The following COL10A1 variants were observed in gnomAD, a reference collection of about 807,000 sequenced individuals.
COL10A1 encodes the protein collagen type X alpha 1 chain.
Under a neutral mutation model 18.2 loss-of-function variants are expected in COL10A1, and 10 were observed. The ratio of observed to expected loss-of-function variants is 0.55; its 90% CI spans 0.34 to 0.93. COL10A1 has a LOEUF of 0.93. COL10A1 is among the 40% of genes least tolerant of loss of function. COL10A1 has a pLI of 0.02. For synonymous variants in COL10A1, 330 were observed against 316.6 expected, an observed-to-expected ratio of 1.04 and a Z score of -0.45; for missense variants, 897 against 853.5, an observed-to-expected ratio of 1.05 and a Z score of -0.64.
At chr6:116,147,470 A>T (rs961630162) in intron 1 of COL10A1, among the ~76,000 whole-genome samples, 1 of 152,032 alleles carries the variant, frequency 6.6e-6, no homozygotes, top group Non-Finnish European at 1.5e-5. Context: ...AAAAAGATAA[A>T]TGACAAACTG....
At chr6:116,178,088 T>TGTGTGTGTGC in the COL10A1 span, among the ~76,000 whole-genome samples, 55 of 99,654 alleles carry the variant, frequency 5.5e-4, no homozygotes, top group African/African-American at 2.5e-3. Flanking sequence ...TGTGTGTGTG[T>TGTGTGTGTGC]GCGCGCGCGC....
At chr6:116,142,734 G>A (rs964420467) in intron 1 of COL10A1, among the ~76,000 whole-genome samples, 1 of 152,140 alleles carries the variant, frequency 6.6e-6, no homozygotes, top group Non-Finnish European at 1.5e-5. Flanking sequence ...TTGAAAAATA[G>A]AATTTGGGAC....
upstream of COL10A1, among the ~76,000 whole-genome samples, chr6:116,163,141 A>AAAAAAATATATATATATAT (rs761718922): frequency 2.3e-5 from 2 of 88,408 alleles, no homozygotes; most frequent in African/African-American, 1.2e-4. Context: ...AAAAAAAAAA[A>AAAAAAATATATATATATAT]ATATATATAT....
chr6:116,150,839 A>G (rs921168963), intron 1 of COL10A1, among the ~76,000 whole-genome samples: 1 of 152,194 alleles, frequency 6.6e-6, no homozygotes, highest in Non-Finnish European at 1.5e-5. Context: ...TCAAATGTGA[A>G]TTTGAGAATG....
At position 116,120,743 on chromosome 6, in the gene COL10A1, C is replaced by T; in HGVS notation, c.1373G>A (p.Gly458Asp). ...TTTAGACCCAGGGAATCCTGGAATG[C>T]CTGGTGGCCCAATAGGGCCTCTAGT... is the stretch of plus-strand genomic sequence containing the variant. Reference protein sequence around the residue: ...PGTRGPIGPPGIPGFPGSKGD... With the variant: ...PGTRGPIGPPDIPGFPGSKGD... The change falls in exon 3 of 3, where the codon GGC becomes GAC. Residue 458 changes from glycine (G) to aspartate (D), a missense_variant. By Grantham distance (94) the Gly-to-Asp change is moderately conservative (BLOSUM62 -1). Transcript: ENST00000651968. The T allele has an allele frequency of 6.3e-7, 1 of 1,596,180 alleles. No homozygotes were observed. Among genetic ancestry groups the T allele is most frequent in the Non-Finnish European group, 8.5e-7 (1 of 1,173,024 alleles).
At chr6:116,213,858 T>C in the COL10A1 span, among the ~76,000 whole-genome samples, 1 of 151,982 alleles carries the variant, frequency 6.6e-6, no homozygotes, top group Non-Finnish European at 1.5e-5. Context: ...GGAATTCTTA[T>C]TGGGGATTTT....
Position 116,121,952 on chromosome 6 carries a change from A to C in COL10A1, c.164T>G (p.Val55Gly). The change falls in exon 3 of 3, where the codon GTA (valine) becomes GGA (glycine). Residue 55 changes from valine to glycine, a missense_variant. Coordinates refer to ENST00000651968, the MANE Select transcript of COL10A1 (RefSeq NM_000493.4). ...PYTIKSKGIA[V>G]RGEQGTPGPP... Reference sequence around the variant, plus strand: ...ACCAGGAGTACCTTGCTCTCCTCTTACTGCTATACCTAAAAGACACACCCA... The same window carrying C: ...ACCAGGAGTACCTTGCTCTCCTCTTCCTGCTATACCTAAAAGACACACCCA... 1 of 1,612,136 alleles carries C rather than the reference A, an allele frequency of 6.2e-7. No individual in the cohort carries two copies. Among genetic ancestry groups the C allele is most frequent in the Non-Finnish European group, 8.5e-7 (1 of 1,179,930 alleles).
intron 1 of COL10A1, among the ~76,000 whole-genome samples, chr6:116,138,186 A>G (rs1779661020): frequency 2.6e-5 from 4 of 152,194 alleles, no homozygotes; most frequent in South Asian, 2.1e-4. Flanking sequence ...TTTACTTGTC[A>G]TAGCAGCCCC....
At chr6:116,128,583 A>C (rs1779384023), upstream of COL10A1, among the ~76,000 whole-genome samples, 1 of 152,142 alleles carries the variant, frequency 6.6e-6, no homozygotes, top group South Asian at 2.1e-4. Context: ...GTGGATCGTT[A>C]ATTAATTCAC....
chr6:116,194,534 A>G, the COL10A1 span, among the ~76,000 whole-genome samples: 1 of 152,006 alleles, frequency 6.6e-6, no homozygotes. Context: ...GATTGAACAG[A>G]TAGAACCTGA....
At chr6:116,161,593 A>G (rs1582844292), upstream of COL10A1, among the ~76,000 whole-genome samples, 6 of 152,010 alleles carry the variant, frequency 3.9e-5, 1 homozygote, top group South Asian at 1.2e-3. Context: ...CTATGTGTCT[A>G]TTTTTGTACC....
At chr6:116,200,184 A>G in the COL10A1 span, among the ~76,000 whole-genome samples, 6 of 152,036 alleles carry the variant, frequency 3.9e-5, no homozygotes, top group Admixed American at 1.3e-4. Context: ...AAGTCAGACA[A>G]ATCCCAATTG....
chr6:116,157,609 C>T (rs527939007), intron 1 of COL10A1, among the ~76,000 whole-genome samples: 37 of 152,218 alleles, frequency 2.4e-4, no homozygotes, highest in African/African-American at 8.7e-4. Context: ...TTCCAGTAGA[C>T]CATAACAAAA....
At chr6:116,130,592 G>A (rs1223182525), upstream of COL10A1, among the ~76,000 whole-genome samples, 1 of 152,066 alleles carries the variant, frequency 6.6e-6, no homozygotes, top group Non-Finnish European at 1.5e-5. Context: ...GGGTCCTAGG[G>A]ATGCACATTG....
upstream of COL10A1, among the ~76,000 whole-genome samples, chr6:116,127,302 C>T (rs566312798): frequency 6.6e-6 from 1 of 152,136 alleles, no homozygotes; most frequent in East Asian, 1.9e-4. Flanking sequence ...TAAACAAAGC[C>T]TTGTATAGCC....
the COL10A1 span, among the ~76,000 whole-genome samples, chr6:116,181,018 T>C: frequency 6.6e-6 from 1 of 152,066 alleles, no homozygotes; most frequent in Non-Finnish European, 1.5e-5. Context: ...CACTTAGATA[T>C]ACATACTTAA....
chr6:116,172,179 C>T, the COL10A1 span, among the ~76,000 whole-genome samples: 5 of 152,100 alleles, frequency 3.3e-5, no homozygotes, highest in South Asian at 1.0e-3. Flanking sequence ...CTCATGATTT[C>T]CTCATAGAAA....
chr6:116,192,980 A>G, the COL10A1 span, among the ~76,000 whole-genome samples: 2 of 152,022 alleles, frequency 1.3e-5, no homozygotes, highest in Non-Finnish European at 2.9e-5. Context: ...AGCTATTTGT[A>G]TGAGATATAC....
At position 116,121,327 on chromosome 6, in the gene COL10A1, A is replaced by G; in HGVS notation, c.789T>C (p.Ile263=). 4.3e-6 allele frequency: 7 copies of G among 1,613,984 alleles called. No homozygotes were observed. The highest frequency in any genetic ancestry group is 5.1e-6 in the Non-Finnish European group (6 of 1,179,946). Residue 263 remains isoleucine, a synonymous_variant, in exon 3 of 3, where the codon ATT becomes ATC. Coordinates refer to ENST00000651968, the MANE Select transcript of COL10A1 (RefSeq NM_000493.4). ...GPPGERGPEG[I]GKPGAAGAPG... Reference sequence around the variant, plus strand: ...GGGCTCCAGCAGCTCCTGGCTTTCCAATGCCTTCTGGCCCTCGTTCCCCAG... The same window carrying G: ...GGGCTCCAGCAGCTCCTGGCTTTCCGATGCCTTCTGGCCCTCGTTCCCCAG...
Sources: allele counts gnomAD v4.1 joint callset (sites outside exome capture counted in the v4.1 genomes callset), GRCh38; gene constraint gnomAD v4.1.1; transcripts MANE v1.5; gene names NCBI Gene and HGNC (gene_info 2026-07-23, HGNC 2026-07-21).